NAALADL2: variants seen among roughly 807,000 people sequenced by gnomAD.
NAALADL2 encodes N-acetylated alpha-linked acidic dipeptidase like 2.
A neutral mutation model predicts 87.2 loss-of-function variants in NAALADL2; 76 were observed. The observed-to-expected ratio is 0.87, with a 90% CI of 0.72 to 1.05. The LOEUF (loss-of-function observed/expected upper bound fraction) is 1.05, where lower values mean the gene tolerates loss of function less well. Among genes scored for constraint, NAALADL2 ranks in the 50% least tolerant of loss-of-function variants. The probability of loss-of-function intolerance (pLI) is 0.00; values close to 1 mark genes in which losing one functional copy is unlikely to be tolerated. For missense variants in NAALADL2, 1,089 were observed against 945.8 expected (o/e 1.15, Z -1.99); for synonymous variants, 354 against 331.0 (o/e 1.07, Z -0.75).
At chr3:174,757,586 G>A (rs766187401) in intron 3 of NAALADL2, among the ~76,000 whole-genome samples, 2 of 151,974 alleles carry the variant, frequency 1.3e-5, no homozygotes, top group African/African-American at 2.4e-5. Flanking sequence ...CCGCCTCCTG[G>A]GTTCCAGCGA....
intron 5 of NAALADL2, among the ~76,000 whole-genome samples, chr3:175,366,007 C>T (rs1311040600): frequency 8.4e-6 from 1 of 118,882 alleles, no homozygotes; most frequent in Non-Finnish European, 1.8e-5. Flanking sequence ...TCTCCTAATG[C>T]TAACCCTCCC....
At chr3:175,275,478 C>T (rs1426992760) in intron 4 of NAALADL2, among the ~76,000 whole-genome samples, 1 of 151,970 alleles carries the variant, frequency 6.6e-6, no homozygotes, top group Non-Finnish European at 1.5e-5. Flanking sequence ...GTTGGGCGGG[C>T]CATGCAGTTT....
chr3:175,362,014 G>A lies in NAALADL2; in HGVS notation c.1090+37689G>A, dbSNP rs200889768. Among the ~76,000 whole-genome samples the A allele has an allele frequency of 6.7e-4, 99 of 148,294 alleles. 3 individuals carry two copies. Among genetic ancestry groups the A allele is most frequent in the African/African-American group, 2.1e-3 (86 of 40,962 alleles). ...TTATGGTTTTAGGTCTAACGTTTAA[G>A]TCTTTAATCCATCTTGAATTAATTT... On this transcript the variant is annotated intron_variant, in intron 5 of 13. Transcript: ENST00000454872.
chr3:175,093,804 A>G (rs1364193685), intron 1 of NAALADL2, among the ~76,000 whole-genome samples: 1 of 151,922 alleles, frequency 6.6e-6, no homozygotes, highest in Non-Finnish European at 1.5e-5. Flanking sequence ...TAATGAATCC[A>G]AAAGTGGTAG....
At chr3:175,543,367 G>A (rs1712723990) in intron 9 of NAALADL2, among the ~76,000 whole-genome samples, 1 of 152,146 alleles carries the variant, frequency 6.6e-6, no homozygotes, top group African/African-American at 2.4e-5. Context: ...ATTGAGAAGT[G>A]GCAGTCAGGG....
chr3:175,156,163 A>G lies in NAALADL2; in HGVS notation c.545+58872A>G, dbSNP rs545674206. ...TAAGGATTCTTATTTTCAAATTTAAATGGTTGTGAGGGAGGAACAAATACT... is the reference window on the plus strand; with the variant it reads ...TAAGGATTCTTATTTTCAAATTTAAGTGGTTGTGAGGGAGGAACAAATACT... On this transcript the variant is annotated intron_variant, in intron 2 of 13. Transcript: ENST00000454872. 2.6e-4 allele frequency among the ~76,000 whole-genome samples: 40 copies of G among 152,256 alleles called. No individual in the cohort carries two copies. The South Asian group carries it at 7.9e-3, about 30-fold the overall frequency.
intron 2 of NAALADL2, among the ~76,000 whole-genome samples, chr3:175,141,676 A>C (rs1357468685): frequency 6.6e-6 from 1 of 152,114 alleles, no homozygotes; most frequent in East Asian, 1.9e-4. Flanking sequence ...AGGCATACTT[A>C]TACAGATTGA....
At chr3:175,490,665 G>T (rs921588800) in intron 9 of NAALADL2, among the ~76,000 whole-genome samples, 1 of 151,858 alleles carries the variant, frequency 6.6e-6, no homozygotes, top group Non-Finnish European at 1.5e-5. Flanking sequence ...AAAGTGCTGG[G>T]ATTACAGGCG....
At chr3:175,006,648 G>GA (rs146490304) in intron 1 of NAALADL2, among the ~76,000 whole-genome samples, 17,410 of 148,386 alleles carry the variant, frequency 0.12, 1,719 homozygotes, top group African/African-American at 0.27. Flanking sequence ...GAGGAAAGCA[G>GA]AAAAAAAAAA....
chr3:175,273,448 T>G (rs955038226), intron 4 of NAALADL2, among the ~76,000 whole-genome samples: 11 of 152,148 alleles, frequency 7.2e-5, no homozygotes, highest in African/African-American at 2.7e-4. Context: ...ACCAAGGATT[T>G]TTCAATTGCT....
intron 3 of NAALADL2, among the ~76,000 whole-genome samples, chr3:175,236,723 G>A (rs918200603): frequency 6.6e-6 from 1 of 152,162 alleles, no homozygotes; most frequent in African/African-American, 2.4e-5. Context: ...GGGCCCTAGA[G>A]TTCCACTATT....
chr3:175,350,760 TCTC>T (rs1246344320), intron 5 of NAALADL2, among the ~76,000 whole-genome samples: 1 of 152,108 alleles, frequency 6.6e-6, no homozygotes, highest in Non-Finnish European at 1.5e-5. Flanking sequence ...GTAAACTGTC[TCTC>T]CTCCCTTTTA....
At position 175,067,500 on chromosome 3, in the gene NAALADL2, A is replaced by G. The variant is rs188322169; in HGVS notation, c.44-29290A>G. 2.6e-5 allele frequency among the ~76,000 whole-genome samples: 4 copies of G among 152,308 alleles called. No individual in the cohort carries two copies. The East Asian group carries it at 7.7e-4, about 29-fold the overall frequency. Reference sequence around the variant, plus strand: ...CAGACGTATGAAAACAATGCTCAACATCACTGATTATCAGAGAAATGTAAA... The same window carrying G: ...CAGACGTATGAAAACAATGCTCAACGTCACTGATTATCAGAGAAATGTAAA... On this transcript the variant is annotated intron_variant, in intron 1 of 13. Transcript: ENST00000454872.
At chr3:175,189,036 G>C (rs908707063) in intron 2 of NAALADL2, among the ~76,000 whole-genome samples, 1 of 152,148 alleles carries the variant, frequency 6.6e-6, no homozygotes, top group South Asian at 2.1e-4. Flanking sequence ...TTTTGTTGGT[G>C]ATAGTTATCC....
rs1208831502 is a variant in NAALADL2 at position 175,804,213 on chromosome 3, T to C, written c.*1010T>C. On this transcript the variant is annotated 3_prime_UTR_variant, in exon 14 of 14. Transcript: ENST00000454872. ...TGCCTCTGACAAAAAGAACTTACTATGAAAGAAATAGTTGTTTTATCAATA... is the reference window on the plus strand; with the variant it reads ...TGCCTCTGACAAAAAGAACTTACTACGAAAGAAATAGTTGTTTTATCAATA... The C allele has an allele frequency of 7.1e-6, 1 of 141,466 alleles. No individual in the cohort carries two copies. The highest frequency in any genetic ancestry group is 1.9e-4 in the East Asian group (1 of 5,164). 8.8% of individuals were successfully genotyped at this position (141,466 alleles called of 1,614,324 possible). A position where few individuals can be genotyped will look rare whatever the true frequency, so the allele number is the denominator to read the frequency against.
chr3:174,673,343 G>A lies in NAALADL2; in HGVS notation c.-114-64298G>A, dbSNP rs542958113. Reference sequence around the variant, plus strand: ...AATAGGAACTTGGAAGCAGAAATATGTATTTTAGGCTGTGAGAATCTGGGG... The same window carrying A: ...AATAGGAACTTGGAAGCAGAAATATATATTTTAGGCTGTGAGAATCTGGGG... On this transcript the variant is annotated intron_variant, in intron 2 of 3. Coordinates refer to the NAALADL2 transcript ENST00000434257. 1.8e-3 allele frequency among the ~76,000 whole-genome samples: 269 copies of A among 152,030 alleles called. 1 individual carries two copies. Among genetic ancestry groups the A allele is most frequent in the African/African-American group, 6.3e-3 (260 of 41,484 alleles).
chr3:174,630,815 A>G (rs1356919446), intron 2 of NAALADL2, among the ~76,000 whole-genome samples: 1 of 152,176 alleles, frequency 6.6e-6, no homozygotes, highest in Non-Finnish European at 1.5e-5. Flanking sequence ...CCTTGGCTTC[A>G]GGTGAGATCT....
At chr3:175,536,650 A>C (rs577195349) in intron 9 of NAALADL2, among the ~76,000 whole-genome samples, 4 of 152,196 alleles carry the variant, frequency 2.6e-5, no homozygotes, top group Non-Finnish European at 2.9e-5. Flanking sequence ...TAAAAAAAAA[A>C]CCTATTTTAT....
At chr3:174,918,391 A>T (rs910901140) in intron 1 of NAALADL2, among the ~76,000 whole-genome samples, 3 of 152,188 alleles carry the variant, frequency 2.0e-5, no homozygotes, top group South Asian at 4.1e-4. Context: ...ATGGAAAAAA[A>T]CCGAATCCCT....
Sources: gnomAD v4.1 joint callset for allele counts (sites outside exome capture counted in the v4.1 genomes callset) on GRCh38, gnomAD v4.1.1 for gene constraint, MANE v1.5 for transcripts, NCBI Gene and HGNC (gene_info 2026-07-23, HGNC 2026-07-21) for gene names.